TTC7A: variants seen among roughly 807,000 people sequenced by gnomAD.
The protein encoded by TTC7A is tetratricopeptide repeat protein 7A.
In TTC7A, 110 loss-of-function variants were observed where a neutral mutation model predicts 103.7. The observed-to-expected ratio is 1.06, with a 90% CI of 0.91 to 1.24. The LOEUF (loss-of-function observed/expected upper bound fraction) is 1.24, where lower values mean the gene tolerates loss of function less well. Ranked by LOEUF, TTC7A falls within the 50% of genes most tolerant of loss-of-function variation. The pLI, the probability that TTC7A is intolerant of heterozygous loss-of-function variation, is 0.00. For missense variants in TTC7A, 1,340 were observed against 1,116.3 expected (o/e 1.20, Z -2.86); for synonymous variants, 521 against 467.9 (o/e 1.11, Z -1.47).
chr2:47,045,905 C>T (rs1028598062), intron 15 of TTC7A, among the ~76,000 whole-genome samples: 2 of 152,180 alleles, frequency 1.3e-5, no homozygotes, highest in African/African-American at 2.4e-5. Flanking sequence ...CCATGCTGGG[C>T]CCTGTGGGGA....
At chr2:46,945,936 G>A (rs902606290) in intron 1 of TTC7A, among the ~76,000 whole-genome samples, 2 of 152,162 alleles carry the variant, frequency 1.3e-5, no homozygotes, top group Non-Finnish European at 2.9e-5. Flanking sequence ...AGCGGGGAAG[G>A]GCCTGGTCTG....
chr2:46,987,809 C>CGTGTGTGTGT lies in TTC7A; in HGVS notation c.765-5616_765-5607dup, dbSNP rs34664382. 7.4e-3 allele frequency among the ~76,000 whole-genome samples: 1,065 copies of CGTGTGTGTGT among 144,620 alleles called. 6 individuals are homozygous for CGTGTGTGTGT. Among genetic ancestry groups the CGTGTGTGTGT allele is most frequent in the African/African-American group, 0.02 (782 of 38,586 alleles). 94.9% of individuals were successfully genotyped at this position (144,620 alleles called of 152,430 possible). A position where few individuals can be genotyped will look rare whatever the true frequency, so the allele number is the denominator to read the frequency against. On this transcript the variant is annotated intron_variant, in intron 5 of 19. Coordinates refer to ENST00000319190, the MANE Select transcript of TTC7A (RefSeq NM_020458.4). ...GGTGAAAGCACTGTCCCTTTCCGCG[C>CGTGTGTGTGT]GTGTGTGTGTGTGTGTGTGTGTGTG...
At chr2:46,998,181 T>C (rs1572859289) in intron 8 of TTC7A, among the ~76,000 whole-genome samples, 1 of 152,104 alleles carries the variant, frequency 6.6e-6, no homozygotes, top group Non-Finnish European at 1.5e-5. Context: ...TCTTGTGGGG[T>C]TGGCTGGTTT....
chr2:47,064,345 A>C (rs556435489), intron 19 of TTC7A, among the ~76,000 whole-genome samples: 21 of 152,354 alleles, frequency 1.4e-4, no homozygotes, highest in Non-Finnish European at 2.5e-4. Context: ...GTGTGGTCCC[A>C]GACTTCTCTC....
chr2:47,017,774 T>A (rs1268090409), intron 11 of TTC7A, among the ~76,000 whole-genome samples: 1 of 152,142 alleles, frequency 6.6e-6, no homozygotes, highest in Non-Finnish European at 1.5e-5. Context: ...CAGTAATGTC[T>A]ACTCTCTGGA....
intron 5 of TTC7A, among the ~76,000 whole-genome samples, chr2:46,984,790 C>T (rs568705143): frequency 9.2e-5 from 14 of 152,128 alleles, no homozygotes; most frequent in African/African-American, 2.4e-4. Context: ...GTCACTTGCC[C>T]GAGCTTACCC....
At position 47,030,718 on chromosome 2, in the gene TTC7A, C is replaced by G. The variant is rs567291241; in HGVS notation, c.1802+1334C>G. On this transcript the variant is annotated intron_variant, in intron 15 of 19. Transcript: ENST00000319190. The stretch of plus-strand genomic sequence containing the variant: ...CACTAACCCCTGCCCCGCCTGTTCC[C>G]CCTCCATCCTGGCCTAGGCAGGTCC... 3.3e-5 allele frequency among the ~76,000 whole-genome samples: 5 copies of G among 152,146 alleles called. No individual in the cohort carries two copies. The South Asian group carries it at 8.3e-4, about 25-fold the overall frequency.
chr2:46,927,745 A>G (rs1391978911), intron 2 of TTC7A, among the ~76,000 whole-genome samples: 1 of 152,162 alleles, frequency 6.6e-6, no homozygotes, highest in African/African-American at 2.4e-5. Flanking sequence ...ATATCTTCAA[A>G]GTGCAAAAGA....
At chr2:46,921,162 C>T (rs1178426789) in intron 2 of TTC7A, among the ~76,000 whole-genome samples, 4 of 152,114 alleles carry the variant, frequency 2.6e-5, no homozygotes, top group African/African-American at 7.2e-5. Flanking sequence ...ATTCATTATA[C>T]TAGAGCTTTA....
intron 15 of TTC7A, 147 bp downstream of exon 15, chr2:47,029,531 G>A: frequency 1.1e-6 from 1 of 916,544 alleles, no homozygotes. Context: ...AGAGACAGGG[G>A]TGAGGACAGG....
At chr2:46,983,147 AGGT>A (rs1453903248) in intron 5 of TTC7A, among the ~76,000 whole-genome samples, 1 of 151,956 alleles carries the variant, frequency 6.6e-6, no homozygotes, top group African/African-American at 2.4e-5. Context: ...TAGGCCAGGG[AGGT>A]GGTGGTGTCT....
At chr2:47,073,303 CTCCTT>C (rs1238579249) in intron 19 of TTC7A, among the ~76,000 whole-genome samples, 1 of 152,212 alleles carries the variant, frequency 6.6e-6, no homozygotes, top group African/African-American at 2.4e-5. Flanking sequence ...CACCTCCTGA[CTCCTT>C]TCAACCTCAC....
intron 11 of TTC7A, 68 bp downstream of exon 11, chr2:47,011,503 C>T (rs998510241): frequency 1.3e-5 from 17 of 1,260,374 alleles, no homozygotes; most frequent in Non-Finnish European, 1.6e-5. Flanking sequence ...TGGCTGTGCA[C>T]GTCTTGACGT....
At chr2:47,023,371 A>AC (rs1417777721) in intron 12 of TTC7A, 37 bp from the exon 13 acceptor site, 7 of 1,611,884 alleles carry the variant, frequency 4.3e-6, no homozygotes, top group Non-Finnish European at 5.9e-6. Flanking sequence ...CCCTTCAGTG[A>AC]CCCCTGATGG....
intron 5 of TTC7A, among the ~76,000 whole-genome samples, chr2:46,981,500 G>C (rs901917338): frequency 1.3e-5 from 2 of 152,184 alleles, no homozygotes; most frequent in Admixed American, 1.3e-4. Flanking sequence ...GAGAGGGTGG[G>C]ATGAGGCTGA....
At chr2:47,053,589 T>TTA (rs1683076801) in intron 18 of TTC7A, among the ~76,000 whole-genome samples, 1 of 152,168 alleles carries the variant, frequency 6.6e-6, no homozygotes, top group Non-Finnish European at 1.5e-5. Flanking sequence ...GTTGGTTTTT[T>TTA]GAGGCAGAGT....
chr2:47,009,140 G>A (rs79120822), intron 10 of TTC7A, among the ~76,000 whole-genome samples: 19,306 of 152,072 alleles, frequency 0.13, 1,273 homozygotes, highest in African/African-American at 0.17. Flanking sequence ...TTGGAGTGGT[G>A]TTCCCAGGGC....
chr2:46,939,367 GGTC>G (rs1231496127), upstream of TTC7A, among the ~76,000 whole-genome samples: 3 of 152,114 alleles, frequency 2.0e-5, no homozygotes, highest in Non-Finnish European at 4.4e-5. Context: ...GAGAAATGTT[GGTC>G]ATCAGAGGGC....
chr2:47,006,542 C>A, intron 9 of TTC7A, 99 bp from the exon 10 acceptor site: 1 of 1,098,960 alleles, frequency 9.1e-7, no homozygotes, highest in Non-Finnish European at 1.4e-6. Context: ...TGCAGCCTCC[C>A]AAAAGCGGTG....
Sources: allele counts gnomAD v4.1 joint callset (sites outside exome capture counted in the v4.1 genomes callset), GRCh38; gene constraint gnomAD v4.1.1; transcripts MANE v1.5; gene names NCBI Gene and HGNC (gene_info 2026-07-23, HGNC 2026-07-21).